The following GPR39 variants were observed in gnomAD, a reference collection of about 807,000 sequenced individuals.
The protein encoded by GPR39 is zinc sensing receptor.
A neutral mutation model predicts 18.4 loss-of-function variants in GPR39; 23 were observed. That is an observed-to-expected ratio of 1.25 (90% CI 0.90 to 1.77). GPR39 has a LOEUF of 1.77. Among genes scored for constraint, GPR39 ranks in the 40% most tolerant of loss-of-function variants. GPR39 has a pLI of 0.00. For synonymous variants in GPR39, 280 were observed against 257.9 expected (o/e 1.09, Z -0.82); for missense variants, 647 against 602.4 (o/e 1.07, Z -0.78).
At chr2:132,476,003 C>T (rs1681118563) in intron 1 of GPR39, among the ~76,000 whole-genome samples, 1 of 152,128 alleles carries the variant, frequency 6.6e-6, no homozygotes, top group African/African-American at 2.4e-5. Flanking sequence ...ATTGTGATGT[C>T]ACCACATGCC....
In GPR39 at chr2:132,645,471, C is replaced by G. The variant is rs781046874; in HGVS notation, c.1227C>G (p.Phe409Leu). The G allele has an allele frequency of 9.9e-6, 16 of 1,614,054 alleles. No homozygotes were observed. The highest frequency in any genetic ancestry group is 4.4e-5 in the South Asian group (4 of 91,088). ...QSSARRTEKI[F>L]LSTFQSEAEP... ...CTGCAAGGAGAACTGAGAAGATTTT[C>G]TTAAGCACTTTTCAGAGCGAGGCCG... The change falls in exon 2 of 2, where the codon TTC (phenylalanine) becomes TTG (leucine). Residue 409 changes from phenylalanine to leucine, a missense_variant. Phe to Leu is a conservative substitution (Grantham distance 22). This residue lies in a region of GPR39 where 581 missense variants were observed against 506.8 expected (regional missense o/e 1.15). Coordinates refer to ENST00000329321, the MANE Select transcript of GPR39 (RefSeq NM_001508.3).
At chr2:132,615,902 C>T (rs960185696) in intron 1 of GPR39, among the ~76,000 whole-genome samples, 5 of 150,834 alleles carry the variant, frequency 3.3e-5, no homozygotes, top group African/African-American at 1.2e-4. Flanking sequence ...ATGTCACGCA[C>T]TGCACACCTG....
intron 1 of GPR39, among the ~76,000 whole-genome samples, chr2:132,503,972 A>G (rs923785352): frequency 6.6e-6 from 1 of 152,148 alleles, no homozygotes; most frequent in African/African-American, 2.4e-5. Flanking sequence ...CACTGAGTCT[A>G]TTTCCAGGCA....
intron 1 of GPR39, among the ~76,000 whole-genome samples, chr2:132,629,173 G>A (rs983314563): frequency 6.6e-6 from 1 of 152,206 alleles, no homozygotes; most frequent in Non-Finnish European, 1.5e-5. Flanking sequence ...TGGTGATAAG[G>A]CTTGGAAGAC....
rs537158125 is a variant in GPR39, at chr2:132,455,131, G to A, written c.856+37233G>A. Among the ~76,000 whole-genome samples the A allele has an allele frequency of 6.6e-5, 10 of 152,226 alleles. No individual in the cohort carries two copies. In the East Asian group the frequency reaches 1.9e-3, roughly 29 times the overall value. On this transcript the variant is annotated intron_variant, in intron 1 of 1. Transcript: ENST00000329321. The stretch of plus-strand genomic sequence containing the variant: ...GGTCCTGGACTTTTTTGTGTTGGTA[G>A]GCTATTAATTATTGCCTCAATTTCA...
At chr2:132,602,127 T>C (rs1681052890) in intron 1 of GPR39, among the ~76,000 whole-genome samples, 1 of 151,710 alleles carries the variant, frequency 6.6e-6, no homozygotes, top group South Asian at 2.1e-4. Context: ...AGCATCATAC[T>C]ACCTGACTTC....
Position 132,606,830 on chromosome 2 carries a change from C to T in GPR39, c.857-38271C>T, listed in dbSNP as rs1277649393. On this transcript the variant is annotated intron_variant, in intron 1 of 1. Transcript: ENST00000329321. ...CGGGAAGGTGGTCTTCCCCTGTGGT[C>T]GGGCCGCTCAATGGCCAAACTAACC... Among the ~76,000 whole-genome samples the T allele has an allele frequency of 5.3e-5, 8 of 152,138 alleles. No homozygotes were observed. The South Asian group carries it at 6.2e-4, about 12-fold the overall frequency.
At chr2:132,559,853 A>G (rs1225078035) in intron 1 of GPR39, among the ~76,000 whole-genome samples, 3 of 152,050 alleles carry the variant, frequency 2.0e-5, no homozygotes, top group Non-Finnish European at 4.4e-5. Context: ...GAGAGAGTAC[A>G]TTTCTAACAA....
chr2:132,471,327 C>G (rs1454656115), intron 1 of GPR39, among the ~76,000 whole-genome samples: 1 of 151,796 alleles, frequency 6.6e-6, no homozygotes, highest in Non-Finnish European at 1.5e-5. Flanking sequence ...AAGCTCTAGT[C>G]CATGAGGATA....
chr2:132,540,369 G>C (rs774487837), intron 1 of GPR39, among the ~76,000 whole-genome samples: 1 of 152,100 alleles, frequency 6.6e-6, no homozygotes, highest in African/African-American at 2.4e-5. Context: ...GGAGAGCGAC[G>C]GTCAGGAAGG....
intron 1 of GPR39, among the ~76,000 whole-genome samples, chr2:132,628,118 C>T (rs77649752): frequency 0.014 from 2,077 of 152,280 alleles, 43 homozygotes; most frequent in African/African-American, 0.047. Context: ...CCCCAGCCCC[C>T]AAACATGCAC....
chr2:132,556,425 T>C (rs1014326158), intron 1 of GPR39, among the ~76,000 whole-genome samples: 5 of 152,220 alleles, frequency 3.3e-5, no homozygotes, highest in Non-Finnish European at 5.9e-5. Context: ...CAGTTGACTC[T>C]GTAGCTGGTA....
At chr2:132,536,586 A>C (rs1679761161) in intron 1 of GPR39, among the ~76,000 whole-genome samples, 1 of 152,176 alleles carries the variant, frequency 6.6e-6, no homozygotes, top group Admixed American at 6.6e-5. Context: ...TATTATGTCC[A>C]CTTGATCCAG....
At chr2:132,512,558 C>G (rs975598915) in intron 1 of GPR39, among the ~76,000 whole-genome samples, 2 of 152,164 alleles carry the variant, frequency 1.3e-5, no homozygotes, top group Admixed American at 6.5e-5. Context: ...GGAATCCTCC[C>G]TCTACTCTTT....
At chr2:132,537,609 G>A (rs943019599) in intron 1 of GPR39, among the ~76,000 whole-genome samples, 2 of 151,360 alleles carry the variant, frequency 1.3e-5, no homozygotes, top group Non-Finnish European at 2.9e-5. Flanking sequence ...GCTTGGGGAA[G>A]TTCTCCTGGA....
intron 1 of GPR39, among the ~76,000 whole-genome samples, chr2:132,590,758 T>C (rs956455145): frequency 2.0e-5 from 3 of 152,016 alleles, no homozygotes; most frequent in Non-Finnish European, 2.9e-5. Flanking sequence ...AAGACTGATA[T>C]ATTGTGGTGG....
In GPR39 at chr2:132,646,398, G is replaced by A. The variant is rs1682080600; in HGVS notation, c.*792G>A. ...TACTCCTCCCACAGCCCAGAGACTA[G>A]GTGAGGTCAGGGAAGTGCTTCGGAT... On this transcript the variant is annotated 3_prime_UTR_variant, in exon 2 of 2. Coordinates refer to ENST00000329321, the MANE Select transcript of GPR39 (RefSeq NM_001508.3). 5.4e-6 allele frequency: 3 copies of A among 558,024 alleles called. No homozygotes were observed. The Admixed American group carries it at 1.3e-4, about 24-fold the overall frequency. The allele number at this position is 558,024 out of a possible 1,614,324, so 34.6% of individuals were successfully genotyped here.
At chr2:132,549,662 C>T (rs1291074477) in intron 1 of GPR39, among the ~76,000 whole-genome samples, 3 of 152,098 alleles carry the variant, frequency 2.0e-5, no homozygotes, top group Non-Finnish European at 4.4e-5. Context: ...GTGGTGCGCA[C>T]CTGTAGTCCC....
intron 1 of GPR39, among the ~76,000 whole-genome samples, chr2:132,593,121 G>A (rs1422997735): frequency 6.6e-6 from 1 of 152,212 alleles, no homozygotes; most frequent in Non-Finnish European, 1.5e-5. Flanking sequence ...CAAGTGCAAA[G>A]CTTCCATCCT....
Sources: gnomAD v4.1 joint callset for allele counts (sites outside exome capture counted in the v4.1 genomes callset) on GRCh38, gnomAD v4.1.1 for gene constraint, gnomAD v4.1.1 regional missense constraint, MANE v1.5 for transcripts, NCBI Gene and HGNC (gene_info 2026-07-23, HGNC 2026-07-21) for gene names.